The following COPG2 variants were observed in gnomAD, a reference collection of about 807,000 sequenced individuals.
COPG2 encodes the protein coatomer subunit gamma-2.
In COPG2, 37 loss-of-function variants were observed where a neutral mutation model predicts 46.3. The ratio of observed to expected loss-of-function variants is 0.80; its 90% CI spans 0.61 to 1.05. COPG2 has a LOEUF of 1.05. COPG2 is among the 50% of genes least tolerant of loss of function. COPG2 has a pLI of 0.00. For missense variants in COPG2, 427 were observed against 387.8 expected, an observed-to-expected ratio of 1.10 and a Z score of -0.85; for synonymous variants, 159 against 129.7, an observed-to-expected ratio of 1.23 and a Z score of -1.53.
intron 20 of COPG2, among the ~76,000 whole-genome samples, chr7:130,532,010 C>T (rs1799830938): frequency 6.6e-6 from 1 of 152,194 alleles, no homozygotes; most frequent in Non-Finnish European, 1.5e-5. Context: ...AAAGATGCCT[C>T]TGATAGGCCG....
Position 130,599,631 on chromosome 7 carries a change from T to A in COPG2, c.737+11322A>T, listed in dbSNP as rs193005200. On this transcript the variant is annotated intron_variant, in intron 9 of 23. Coordinates refer to ENST00000425248, the MANE Select transcript of COPG2 (RefSeq NM_012133.6). ...TTCTCTTTGCAGTAAATCTCTATAC[T>A]TTCACTAGAAGAAAAAAAAAAGAAG... Among the ~76,000 whole-genome samples, 43 of 152,178 alleles carry A rather than the reference T, an allele frequency of 2.8e-4. No individual in the cohort carries two copies. In the East Asian group the frequency reaches 6.4e-3, roughly 23 times the overall value.
chr7:130,582,491 A>C (rs1370293530), intron 9 of COPG2, among the ~76,000 whole-genome samples: 5 of 151,920 alleles, frequency 3.3e-5, no homozygotes, highest in Non-Finnish European at 7.4e-5. Context: ...GACAAAATTG[A>C]CAAATGGGAT....
chr7:130,532,572 G>A (rs1799838753), intron 20 of COPG2, among the ~76,000 whole-genome samples: 1 of 152,018 alleles, frequency 6.6e-6, no homozygotes, highest in Non-Finnish European at 1.5e-5. Flanking sequence ...TGAGGAGGAG[G>A]GTGGGGGGAG....
In COPG2 at chr7:130,646,971, G is replaced by A. The variant is rs572307701; in HGVS notation, c.323+5898C>T. On this transcript the variant is annotated intron_variant, in intron 5 of 23. Coordinates refer to ENST00000425248, the MANE Select transcript of COPG2 (RefSeq NM_012133.6). ...TATATATATATGCATATATATATGTGTATATATATATGTATATATATATAT... is the reference window on the plus strand; with the variant it reads ...TATATATATATGCATATATATATGTATATATATATATGTATATATATATAT... 0.028 allele frequency among the ~76,000 whole-genome samples: 440 copies of A among 15,856 alleles called. 5 individuals carry two copies. In the East Asian group the frequency reaches 0.46, roughly 17 times the overall value. 10.4% of individuals were successfully genotyped at this position (15,856 alleles called of 152,430 possible).
intron 20 of COPG2, among the ~76,000 whole-genome samples, chr7:130,542,795 T>C (rs1793357315): frequency 6.6e-6 from 1 of 151,920 alleles, no homozygotes; most frequent in African/African-American, 2.4e-5. Flanking sequence ...GGAGGGGAGA[T>C]AACCTTATGA....
chr7:130,626,913 T>G (rs1365364346), intron 5 of COPG2, among the ~76,000 whole-genome samples: 2 of 152,126 alleles, frequency 1.3e-5, no homozygotes, highest in African/African-American at 4.8e-5. Context: ...TGAGACAGGG[T>G]CGCTCTGTTG....
chr7:130,563,080 G>A (rs1284629211), intron 11 of COPG2, among the ~76,000 whole-genome samples, 189 bp downstream of exon 11: 1 of 152,154 alleles, frequency 6.6e-6, no homozygotes, highest in African/African-American at 2.4e-5. Context: ...AGTCAGAAAT[G>A]AGTTATAATC....
At chr7:130,616,026 G>A (rs1257996292) in intron 6 of COPG2, among the ~76,000 whole-genome samples, 1 of 152,176 alleles carries the variant, frequency 6.6e-6, no homozygotes, top group East Asian at 1.9e-4. Context: ...AAAAAATTTG[G>A]ATAAGTTTTA....
At chr7:130,653,000 T>C (rs1212521727) in intron 4 of COPG2, 52 bp from the exon 5 acceptor site, 3 of 1,264,560 alleles carry the variant, frequency 2.4e-6, no homozygotes, top group Middle Eastern at 2.2e-4. Flanking sequence ...AAATGGTTTT[T>C]TAAATTATTT....
intron 5 of COPG2, among the ~76,000 whole-genome samples, chr7:130,646,553 A>C (rs1237553726): frequency 1.4e-4 from 22 of 152,164 alleles, no homozygotes; most frequent in Admixed American, 1.4e-3. Flanking sequence ...TTAACAAGTT[A>C]GTCATGAGTT....
At chr7:130,520,174 T>G (rs1799712907) in intron 20 of COPG2, among the ~76,000 whole-genome samples, 1 of 152,182 alleles carries the variant, frequency 6.6e-6, no homozygotes, top group Admixed American at 6.5e-5. Context: ...GTAAATGATT[T>G]GTAGAATATT....
chr7:130,533,943 G>A (rs2116362533), intron 20 of COPG2, among the ~76,000 whole-genome samples: 1 of 139,064 alleles, frequency 7.2e-6, no homozygotes, highest in East Asian at 2.4e-4. Flanking sequence ...GGACAGGAGG[G>A]GCGTAAGAGG....
intron 9 of COPG2, among the ~76,000 whole-genome samples, chr7:130,596,656 G>A (rs1794532892): frequency 6.6e-6 from 1 of 152,172 alleles, no homozygotes; most frequent in South Asian, 2.1e-4. Flanking sequence ...CTGGTGTCAA[G>A]AGCCTGGACA....
chr7:130,557,824 A>AAAAAAAC (rs1554444365), intron 12 of COPG2, among the ~76,000 whole-genome samples: 2 of 146,884 alleles, frequency 1.4e-5, no homozygotes, highest in African/African-American at 5.0e-5. Flanking sequence ...TCTCAAAAAA[A>AAAAAAAC]AAAAAAAAAA....
At chr7:130,537,673 G>C (rs1385980752) in intron 20 of COPG2, among the ~76,000 whole-genome samples, 1 of 152,252 alleles carries the variant, frequency 6.6e-6, no homozygotes, top group Non-Finnish European at 1.5e-5. Flanking sequence ...GCTTACAGAG[G>C]TGAGCTTGTT....
At chr7:130,527,965 C>T (rs1337728443) in intron 20 of COPG2, among the ~76,000 whole-genome samples, 1 of 151,888 alleles carries the variant, frequency 6.6e-6, no homozygotes, top group African/African-American at 2.4e-5. Flanking sequence ...GTGGGCTGTG[C>T]GGGTGAGAGC....
intron 6 of COPG2, among the ~76,000 whole-genome samples, chr7:130,615,827 C>A (rs1232136580): frequency 1.3e-5 from 2 of 152,272 alleles, no homozygotes; most frequent in Admixed American, 6.5e-5. Flanking sequence ...AGGTGGGACA[C>A]CCTGACTAGG....
intron 14 of COPG2, 89 bp from the exon 15 acceptor site, chr7:130,552,519 C>T (rs1793548251): frequency 2.5e-6 from 1 of 396,064 alleles, no homozygotes; most frequent in Non-Finnish European, 4.5e-6. Context: ...AAAAGTGTCC[C>T]CATGTTCAGT....
intron 5 of COPG2, among the ~76,000 whole-genome samples, chr7:130,649,793 A>G (rs562646492): frequency 2.6e-5 from 4 of 152,342 alleles, no homozygotes; most frequent in East Asian, 1.9e-4. Flanking sequence ...TGCTCACTGC[A>G]TAATTCCAAA....
Sources: gnomAD v4.1 joint callset for allele counts (sites outside exome capture counted in the v4.1 genomes callset) on GRCh38, gnomAD v4.1.1 for gene constraint, MANE v1.5 for transcripts, NCBI Gene and HGNC (gene_info 2026-07-23, HGNC 2026-07-21) for gene names.